Variants in WDFY2 observed in about 807,000 individuals in gnomAD.
The protein encoded by WDFY2 is WD repeat and FYVE domain-containing protein 2.
WDFY2 carries 36 observed loss-of-function variants against 56.4 expected under a neutral mutation model. That is an observed-to-expected ratio of 0.64 (90% CI 0.49 to 0.84). The LOEUF (loss-of-function observed/expected upper bound fraction) is 0.84, where lower values mean the gene tolerates loss of function less well. WDFY2 is among the 40% of genes least tolerant of loss of function. WDFY2 has a pLI of 0.00. For missense variants in WDFY2, 444 were observed against 512.2 expected (o/e 0.87, Z 1.29); for synonymous variants, 176 against 183.7 (o/e 0.96, Z 0.34).
chr13:51,742,326 A>G (rs1952993769), intron 7 of WDFY2, among the ~76,000 whole-genome samples: 1 of 152,234 alleles, frequency 6.6e-6, no homozygotes, highest in South Asian at 2.1e-4. Flanking sequence ...AAAAAAGCTA[A>G]GAAAGTATTC....
At chr13:51,738,321 A>G (rs1391341170) in intron 6 of WDFY2, among the ~76,000 whole-genome samples, 1 of 152,252 alleles carries the variant, frequency 6.6e-6, no homozygotes, top group Non-Finnish European at 1.5e-5. Flanking sequence ...TTTTATAGCC[A>G]TACCACTACA....
chr13:51,718,121 T>A (rs574813576), intron 4 of WDFY2, among the ~76,000 whole-genome samples: 1 of 152,360 alleles, frequency 6.6e-6, no homozygotes, highest in South Asian at 2.1e-4. Context: ...TGTCTAACTC[T>A]GTTTTCATGA....
In WDFY2 at chr13:51,761,629, C is replaced by T. The variant is rs2296029; in HGVS notation, c.*1860C>T. The T allele has an allele frequency of 0.13, 19,058 of 152,152 alleles. 1,485 individuals are homozygous for T. Among genetic ancestry groups the T allele is most frequent in the South Asian group, 0.22 (1,051 of 4,818 alleles). 9.4% of individuals were successfully genotyped at this position (152,152 alleles called of 1,614,324 possible). On this transcript the variant is annotated 3_prime_UTR_variant, in exon 12 of 12. Transcript: ENST00000298125. ...TATTTTCCCTCTTTTCCTGGAAAGC[C>T]GTTTTTTGCCCTCACAATCATTCAT...
At chr13:51,750,453 A>T (rs1235246299) in intron 7 of WDFY2, among the ~76,000 whole-genome samples, 3 of 151,332 alleles carry the variant, frequency 2.0e-5, no homozygotes, top group Non-Finnish European at 4.4e-5. Flanking sequence ...CAAAAAAATC[A>T]CCAGTCCAGA....
chr13:51,613,748 G>C (rs1006205023), intron 1 of WDFY2, among the ~76,000 whole-genome samples: 7 of 152,186 alleles, frequency 4.6e-5, no homozygotes, highest in East Asian at 1.9e-4. Context: ...AAGCCATGTG[G>C]TGTGCTGATA....
At chr13:51,670,631 C>T (rs189630041) in intron 2 of WDFY2, among the ~76,000 whole-genome samples, 1 of 152,142 alleles carries the variant, frequency 6.6e-6, no homozygotes, top group South Asian at 2.1e-4. Context: ...CTCTGACACT[C>T]CCCTTTCCAG....
intron 1 of WDFY2, among the ~76,000 whole-genome samples, chr13:51,619,124 A>G (rs1954677916): frequency 6.6e-6 from 1 of 152,198 alleles, no homozygotes; most frequent in African/African-American, 2.4e-5. Flanking sequence ...TATTCTTCAT[A>G]AGACCTACTT....
rs1482732063 is a variant in WDFY2, at chr13:51,739,049, G to C, written c.599G>C (p.Gly200Ala). 6.3e-7 allele frequency: 1 copy of C among 1,580,248 alleles called. No individual in the cohort carries two copies. The highest frequency in any genetic ancestry group is 2.3e-5 in the East Asian group (1 of 42,882). ...TGTCTGGTTGTGTCTGTCCTCTCAGGTGGGGTGACCGCTCTCTGTTGGGAC... is the reference window on the plus strand; with the variant it reads ...TGTCTGGTTGTGTCTGTCCTCTCAGCTGGGGTGACCGCTCTCTGTTGGGAC... ...TLVTTFRGHT[G>A]GVTALCWDPV... Residue 200 changes from glycine to alanine, a missense_variant and splice_region_variant, in exon 7 of 12, where the codon GGT (glycine) becomes GCT (alanine). Transcript: ENST00000298125.
chr13:51,756,282 C>T (rs1303382326), intron 9 of WDFY2, 50 bp from the exon 10 acceptor site: 14 of 1,574,182 alleles, frequency 8.9e-6, no homozygotes, highest in Non-Finnish European at 1.2e-5. Flanking sequence ...GCGGGGGCCT[C>T]AGGAGCTGAG....
intron 5 of WDFY2, among the ~76,000 whole-genome samples, chr13:51,726,376 C>G (rs575919874): frequency 6.6e-6 from 1 of 152,302 alleles, no homozygotes; most frequent in Admixed American, 6.5e-5. Flanking sequence ...TATTTTCAAA[C>G]TTTAGCTATT....
intron 3 of WDFY2, among the ~76,000 whole-genome samples, chr13:51,700,645 C>T (rs1951963772): frequency 6.6e-6 from 1 of 152,198 alleles, no homozygotes; most frequent in African/African-American, 2.4e-5. Context: ...AAACTAGAAA[C>T]AAAGATTCAT....
chr13:51,718,184 T>C (rs1461083811), intron 4 of WDFY2, among the ~76,000 whole-genome samples: 1 of 152,092 alleles, frequency 6.6e-6, no homozygotes, highest in Non-Finnish European at 1.5e-5. Flanking sequence ...TCATGATGAG[T>C]GTGTTCATGC....
chr13:51,676,378 G>C (rs569882714), intron 3 of WDFY2, among the ~76,000 whole-genome samples: 26 of 152,282 alleles, frequency 1.7e-4, no homozygotes, highest in Middle Eastern at 3.4e-3. Flanking sequence ...CCACAATATG[G>C]CGTGGAACTT....
At chr13:51,658,480 C>T (rs1287464263) in intron 1 of WDFY2, among the ~76,000 whole-genome samples, 3 of 152,182 alleles carry the variant, frequency 2.0e-5, no homozygotes, top group Non-Finnish European at 4.4e-5. Context: ...ACTCAAGGAA[C>T]ATGAGCCGCA....
At chr13:51,585,194 G>A (rs1234343511) in intron 1 of WDFY2, among the ~76,000 whole-genome samples, 1 of 152,234 alleles carries the variant, frequency 6.6e-6, no homozygotes, top group Non-Finnish European at 1.5e-5. Flanking sequence ...GATGCCCTGA[G>A]CCGCCTCTGC....
chr13:51,673,636 A>G (rs757113282), intron 2 of WDFY2, among the ~76,000 whole-genome samples: 1 of 152,116 alleles, frequency 6.6e-6, no homozygotes, highest in Non-Finnish European at 1.5e-5. Context: ...CCATGAGATT[A>G]TTAGATTCTA....
intron 10 of WDFY2, among the ~76,000 whole-genome samples, chr13:51,756,956 A>T (rs942071824): frequency 2.6e-5 from 4 of 152,178 alleles, no homozygotes; most frequent in Non-Finnish European, 4.4e-5. Context: ...AACCCAGGAC[A>T]TAGGTTACTT....
intron 4 of WDFY2, among the ~76,000 whole-genome samples, chr13:51,708,952 A>G (rs1031168724): frequency 2.0e-5 from 3 of 152,254 alleles, no homozygotes; most frequent in East Asian, 1.9e-4. Flanking sequence ...CCAGAAGACC[A>G]TAACACTCGT....
At chr13:51,601,476 G>A (rs913004502) in intron 1 of WDFY2, among the ~76,000 whole-genome samples, 12 of 151,288 alleles carry the variant, frequency 7.9e-5, no homozygotes, top group African/African-American at 1.9e-4. Context: ...GTGCAATGGC[G>A]CAATCTTGGC....
Sources: gnomAD v4.1 joint callset for allele counts (sites outside exome capture counted in the v4.1 genomes callset) on GRCh38, gnomAD v4.1.1 for gene constraint, MANE v1.5 for transcripts, NCBI Gene and HGNC (gene_info 2026-07-23, HGNC 2026-07-21) for gene names.